The following TBCD variants were observed in gnomAD, a reference collection of about 807,000 sequenced individuals.
TBCD encodes tubulin folding cofactor D.
TBCD carries 105 observed loss-of-function variants against 169.3 expected under a neutral mutation model. That is an observed-to-expected ratio of 0.62 (90% CI 0.53 to 0.73). The LOEUF (loss-of-function observed/expected upper bound fraction) is 0.73. Ranked by LOEUF, TBCD falls within the 30% of genes least tolerant of loss-of-function variation. TBCD has a pLI of 0.00. For synonymous variants in TBCD, 700 were observed against 643.9 expected (o/e 1.09, Z -1.32); for missense variants, 1,444 against 1,600.1 (o/e 0.90, Z 1.66).
Position 82,889,679 on chromosome 17 carries a change from G to C in TBCD, c.1545G>C (p.Gln515His). The change falls in exon 16 of 39, where the codon CAG becomes CAC. Residue 515 changes from glutamine (Q) to histidine (H), a missense_variant. Coordinates refer to ENST00000355528, the MANE Select transcript of TBCD (RefSeq NM_005993.5). The surrounding 1 kb of genome is among the most constrained non-coding windows in gnomAD (Gnocchi z 5.3). ...NCRRAASAAF[Q>H]ENVGRQGTFP... ...TCTTTGCTCCGCAGGCCGCCTTCCAGGAGAATGTGGGGAGACAGGTATGGC... is the reference window on the plus strand; with the variant it reads ...TCTTTGCTCCGCAGGCCGCCTTCCACGAGAATGTGGGGAGACAGGTATGGC... 1 of 1,613,774 alleles carries C rather than the reference G, an allele frequency of 6.2e-7. No individual in the cohort carries two copies. Among genetic ancestry groups the C allele is most frequent in the Non-Finnish European group, 8.5e-7 (1 of 1,179,824 alleles).
At chr17:82,808,487 C>A (rs2144811568) in intron 11 of TBCD, among the ~76,000 whole-genome samples, 1 of 85,434 alleles carries the variant, frequency 1.2e-5, no homozygotes, top group Non-Finnish European at 2.2e-5. Context: ...GGTGGAGGGG[C>A]TGACAGGTGC....
chr17:82,752,280 G>T lies in TBCD; in HGVS notation c.87G>T (p.Ala29=). ...TGGCCTTTGGCGCGGCGCTGGAAGC[G>T]TTCGGCGAGAGCGCGGAGACCCGGG... The part of the protein sequence containing the change: ...ETLAFGAALE[A]FGESAETRAL... The change falls in exon 1 of 39, where the codon GCG becomes GCT. Residue 29 remains alanine (A), a synonymous_variant. Transcript: ENST00000355528. 6.6e-7 allele frequency: 1 copy of T among 1,514,800 alleles called. No individual in the cohort carries two copies. The highest frequency in any genetic ancestry group is 8.8e-7 in the Non-Finnish European group (1 of 1,137,380). 93.8% of individuals were successfully genotyped at this position (1,514,800 alleles called of 1,614,324 possible). A position where few individuals can be genotyped will look rare whatever the true frequency, so the allele number is the denominator to read the frequency against.
chr17:82,925,252 T>C (rs374587618), intron 27 of TBCD, among the ~76,000 whole-genome samples, 195 bp downstream of exon 27: 132 of 152,338 alleles, frequency 8.7e-4, no homozygotes, highest in Middle Eastern at 6.8e-3. Context: ...CTTAGGGCCC[T>C]GGCGAACCCT....
intron 12 of TBCD, among the ~76,000 whole-genome samples, chr17:82,812,623 C>T (rs1010915730): frequency 5.9e-5 from 9 of 152,192 alleles, no homozygotes; most frequent in Non-Finnish European, 1.0e-4. Flanking sequence ...TGGCTCACTG[C>T]GATCTCCGCC....
chr17:82,891,100 A>G (rs112737839), intron 16 of TBCD, among the ~76,000 whole-genome samples: 13 of 152,188 alleles, frequency 8.5e-5, no homozygotes, highest in African/African-American at 3.1e-4. Context: ...CTCCGCCATC[A>G]CTCTGTGTTC....
chr17:82,926,197 C>T (rs931144880), intron 27 of TBCD, among the ~76,000 whole-genome samples: 4 of 150,250 alleles, frequency 2.7e-5, no homozygotes, highest in South Asian at 2.1e-4. Context: ...TACTGGGGGC[C>T]GTGGAGAGGC....
chr17:82,809,400 C>A (rs544549556), intron 11 of TBCD, among the ~76,000 whole-genome samples: 2 of 152,136 alleles, frequency 1.3e-5, no homozygotes, highest in African/African-American at 2.4e-5. Flanking sequence ...CCTCAGCGTT[C>A]GCCTGCTGCC....
At chr17:82,800,753 T>A in intron 8 of TBCD, 111 bp from the exon 9 acceptor site, 1 of 1,326,472 alleles carries the variant, frequency 7.5e-7, no homozygotes. Context: ...CTTGGTGATG[T>A]CTCCTGCCTC....
chr17:82,859,885 AG>A, intron 13 of TBCD: 1 of 985,290 alleles, frequency 1.0e-6, no homozygotes, highest in Non-Finnish European at 1.2e-6. Flanking sequence ...GGTTGGAGAC[AG>A]GGAGCAGGCT....
intron 13 of TBCD, among the ~76,000 whole-genome samples, chr17:82,855,295 CTG>C (rs1249174259): frequency 1.6e-5 from 2 of 126,338 alleles, no homozygotes; most frequent in Non-Finnish European, 3.2e-5. Flanking sequence ...CAGGGTCACT[CTG>C]TTGCTCACGC....
In TBCD at chr17:82,833,018, G is replaced by A. The variant is rs945490978; in HGVS notation, c.1318+18084G>A. Among the ~76,000 whole-genome samples the A allele has an allele frequency of 5.3e-5, 8 of 152,124 alleles. No homozygotes were observed. The highest frequency in any genetic ancestry group is 2.1e-4 in the South Asian group (1 of 4,822). On this transcript the variant is annotated intron_variant, in intron 13 of 38. Coordinates refer to ENST00000355528, the MANE Select transcript of TBCD (RefSeq NM_005993.5). The surrounding 1 kb of genome is among the most constrained non-coding windows in gnomAD (Gnocchi z 4.7). ...CCCTGCCGGGGGCTGAGGACACCGAGCCCCCTCCCAGGGTCTGGACAGAGT... is the reference window on the plus strand; with the variant it reads ...CCCTGCCGGGGGCTGAGGACACCGAACCCCCTCCCAGGGTCTGGACAGAGT...
At chr17:82,759,884 G>GTTTTTT (rs200933847) in intron 2 of TBCD, among the ~76,000 whole-genome samples, 4 of 121,150 alleles carry the variant, frequency 3.3e-5, no homozygotes, top group African/African-American at 1.3e-4. Context: ...CATTTCGTTT[G>GTTTTTT]TTTGTTTTTT....
chr17:82,795,353 G>C (rs1043825799), intron 7 of TBCD: 1 of 162,340 alleles, frequency 6.2e-6, no homozygotes. Flanking sequence ...GAGAGAGACC[G>C]GGGAACACGG....
At chr17:82,912,146 G>A (rs1050980904) in intron 23 of TBCD, among the ~76,000 whole-genome samples, 3 of 151,646 alleles carry the variant, frequency 2.0e-5, no homozygotes, top group South Asian at 2.1e-4. Context: ...CGGCCCCAGC[G>A]TGGACAGAGC....
chr17:82,883,846 T>C (rs1341109138), intron 14 of TBCD, among the ~76,000 whole-genome samples: 1 of 152,216 alleles, frequency 6.6e-6, no homozygotes, highest in African/African-American at 2.4e-5. Context: ...GCCAGGTGCG[T>C]TCTGCCCCCA....
At position 82,920,352 on chromosome 17, in the gene TBCD, G is replaced by A. The variant is rs2147132624; in HGVS notation, c.2039-204G>A. 1.7e-6 allele frequency: 1 copy of A among 605,912 alleles called. No individual in the cohort carries two copies. Among genetic ancestry groups the A allele is most frequent in the Non-Finnish European group, 2.9e-6 (1 of 345,204 alleles). The allele number at this position is 605,912 out of a possible 1,614,324, so 37.5% of individuals were successfully genotyped here. On this transcript the variant is annotated intron_variant, in intron 23 of 38. Transcript: ENST00000355528. This position sits in a 1 kb window ranked among gnomAD's most constrained non-coding sequence, Gnocchi z 4.1. ...GGGTCTGCAGCACTTTCTTCAGGCTGCTCAGCGGAGGAGGCGTCTTGGGCT... is the reference window on the plus strand; with the variant it reads ...GGGTCTGCAGCACTTTCTTCAGGCTACTCAGCGGAGGAGGCGTCTTGGGCT...
intron 13 of TBCD, among the ~76,000 whole-genome samples, chr17:82,844,307 C>T (rs1261948572): frequency 6.6e-6 from 1 of 151,564 alleles, no homozygotes; most frequent in Non-Finnish European, 1.5e-5. Flanking sequence ...CTTCTCCTGC[C>T]TCAGCCTCCC....
chr17:82,929,404 C>A lies in TBCD; in HGVS notation c.2895C>A (p.Ala965=). 1 of 1,613,154 alleles carries A rather than the reference C, an allele frequency of 6.2e-7. No homozygotes were observed. Among genetic ancestry groups the A allele is most frequent in the Non-Finnish European group, 8.5e-7 (1 of 1,179,894 alleles). ...ASVNWSAPSQ[A]FPRITQLLGL... is the part of the protein sequence containing the mutation. The stretch of plus-strand genomic sequence containing the variant: ...TGAACTGGAGTGCACCTTCCCAGGC[C>A]TTCCCACGCATCACCCAGCTCCTTG... Residue 965 remains alanine (A), a synonymous_variant, in exon 32 of 39, where the codon GCC becomes GCA. Coordinates refer to ENST00000355528, the MANE Select transcript of TBCD (RefSeq NM_005993.5).
rs932966823 is a variant in TBCD, at chr17:82,889,089, C to T, written c.1534-579C>T. 2.6e-5 allele frequency among the ~76,000 whole-genome samples: 4 copies of T among 152,154 alleles called. No homozygotes were observed. The highest frequency in any genetic ancestry group is 9.6e-5 in the African/African-American group (4 of 41,452). On this transcript the variant is annotated intron_variant, in intron 15 of 38. Coordinates refer to ENST00000355528, the MANE Select transcript of TBCD (RefSeq NM_005993.5). The surrounding 1 kb of genome is among the most constrained non-coding windows in gnomAD (Gnocchi z 5.3). ...GGTAACCTGCTCTGCCTGGTCGGTG[C>T]GCCTAAGGGGGGCAGGGTGTTTGGG...
Sources: gnomAD v4.1 joint callset for allele counts (sites outside exome capture counted in the v4.1 genomes callset) on GRCh38, gnomAD v4.1.1 for gene constraint, Gnocchi (gnomAD v3.1) non-coding constraint, MANE v1.5 for transcripts, NCBI Gene and HGNC (gene_info 2026-07-23, HGNC 2026-07-21) for gene names.